GGT7: variants seen among roughly 807,000 people sequenced by gnomAD.
The protein encoded by GGT7 is gamma-glutamyltransferase 7, also known as glutathione hydrolase 7.
In GGT7, 30 loss-of-function variants were observed where a neutral mutation model predicts 69.2. The ratio of observed to expected loss-of-function variants is 0.43; its 90% confidence interval spans 0.32 to 0.59. GGT7 has a LOEUF of 0.59. Ranked by LOEUF, GGT7 falls within the 20% of genes least tolerant of loss-of-function variation. The pLI is 0.05. For missense variants in GGT7, 733 were observed against 901.1 expected, an observed-to-expected ratio of 0.81 and a Z score of 2.39; for synonymous variants, 388 against 391.8, an observed-to-expected ratio of 0.99 and a Z score of 0.12.
intron 1 of GGT7, among the ~76,000 whole-genome samples, chr20:34,865,980 TA>T (rs2079683861): frequency 6.6e-6 from 1 of 152,238 alleles, no homozygotes; most frequent in African/African-American, 2.4e-5. Context: ...ATAACCCCTT[TA>T]AAAGTCTATG....
intron 1 of GGT7, 45 bp downstream of exon 1, chr20:34,872,601 CG>C (rs756586538): frequency 6.7e-5 from 89 of 1,325,196 alleles, no homozygotes; most frequent in Non-Finnish European, 8.3e-5. Context: ...GAAGGAAGAC[CG>C]GGGACTTCCC....
In GGT7 at chr20:34,863,817, A is replaced by AC; in HGVS notation, c.170-270dup. ...TGATACCTAGGCCAAATTTCCTGGCACCCAGGGCCCAGGGCTGAGAACACT... is the reference window on the plus strand; with the variant it reads ...TGATACCTAGGCCAAATTTCCTGGCACCCCAGGGCCCAGGGCTGAGAACACT... On this transcript the variant is annotated intron_variant, in intron 1 of 14. Coordinates refer to ENST00000336431, the MANE Select transcript of GGT7 (RefSeq NM_178026.3). The surrounding 1 kb of genome is among the most constrained non-coding windows in gnomAD (Gnocchi z 4.4). 1.5e-6 allele frequency: 1 copy of AC among 670,912 alleles called. No individual in the cohort carries two copies. The highest frequency in any genetic ancestry group is 2.9e-5 in the East Asian group (1 of 33,990). The allele number at this position is 670,912 out of a possible 1,614,324, so 41.6% of individuals were successfully genotyped here.
chr20:34,848,934 G>A (rs2079342556), intron 14 of GGT7, among the ~76,000 whole-genome samples: 1 of 152,132 alleles, frequency 6.6e-6, no homozygotes. Flanking sequence ...ATAAAATTCA[G>A]CTGTGCCAAA....
At position 34,863,221 on chromosome 20, in the gene GGT7, C is replaced by A; in HGVS notation, c.405+92G>T. ...GTCACCACCCTCTCTCCCCTTCTAC[C>A]ACTCAGCCATTCCCCAGTTTCCACA... On this transcript the variant is annotated intron_variant, in intron 2 of 14. Transcript: ENST00000336431. This position sits in a 1 kb window ranked among gnomAD's most constrained non-coding sequence, Gnocchi z 4.4. 1.0e-6 allele frequency: 1 copy of A among 1,002,582 alleles called. No homozygotes were observed. The highest frequency in any genetic ancestry group is 1.5e-6 in the Non-Finnish European group (1 of 666,060). 62.1% of individuals were successfully genotyped at this position (1,002,582 alleles called of 1,614,324 possible).
chr20:34,856,137 G>T (rs1301239549), intron 8 of GGT7, among the ~76,000 whole-genome samples: 1 of 152,170 alleles, frequency 6.6e-6, no homozygotes, highest in African/African-American at 2.4e-5. Flanking sequence ...CTCTGGCAGA[G>T]GAATCAGGTT....
At chr20:34,852,316 C>G in intron 11 of GGT7, 44 bp from the exon 12 acceptor site, 1 of 1,604,030 alleles carries the variant, frequency 6.2e-7, no homozygotes. Context: ...CCCATCCTCA[C>G]CTCTACCCAG....
At chr20:34,862,719 G>A in intron 3 of GGT7, 95 bp downstream of exon 3, 6 of 1,241,204 alleles carry the variant, frequency 4.8e-6, no homozygotes, top group Non-Finnish European at 7.1e-6. Context: ...GGGCCCAAAA[G>A]CCCCTCTCCC....
chr20:34,853,340 GGTGTGTGTGTGTGTGTGT>G (rs10527077), intron 10 of GGT7, among the ~76,000 whole-genome samples: 36 of 147,314 alleles, frequency 2.4e-4, no homozygotes, highest in Admixed American at 7.5e-4. Context: ...ATTTCATATA[GGTGTGTGTGTGTGTGTGT>G]GTGTGTGTGT....
intron 3 of GGT7, among the ~76,000 whole-genome samples, chr20:34,861,855 C>A (rs1266651521): frequency 6.6e-6 from 1 of 152,110 alleles, no homozygotes; most frequent in African/African-American, 2.4e-5. Context: ...GGATGTTCTG[C>A]CCCATGCCCC....
chr20:34,851,487 T>G, intron 12 of GGT7, 119 bp from the exon 13 acceptor site: 1 of 1,028,304 alleles, frequency 9.7e-7, no homozygotes, highest in Non-Finnish European at 1.4e-6. Flanking sequence ...GGCCCAGTTT[T>G]CCTGGGAGAC....
chr20:34,860,430 GAC>G (rs2146914787), intron 4 of GGT7, 109 bp from the exon 5 acceptor site: 1 of 825,622 alleles, frequency 1.2e-6, no homozygotes, highest in Non-Finnish European at 2.1e-6. Context: ...ACAGGGGAGA[GAC>G]ACAGGCCAAG....
chr20:34,845,661 T>C (rs1323160506), intron 14 of GGT7, among the ~76,000 whole-genome samples, 170 bp from the exon 15 acceptor site: 2 of 152,124 alleles, frequency 1.3e-5, no homozygotes, highest in Non-Finnish European at 2.9e-5. Flanking sequence ...TAAATAGGGA[T>C]TATATGAGAA....
At position 34,863,502 on chromosome 20, in the gene GGT7, C is replaced by T. The variant is rs879057428; in HGVS notation, c.216G>A (p.Ser72=). ...LKSARLQRLP[S]SSSEMGSQDG... ...CTTGGCTGCCCATCTCCGACGACGACGATGGCAGCCGCTGCAGCCGTGCAG... is the reference window on the plus strand; with the variant it reads ...CTTGGCTGCCCATCTCCGACGACGATGATGGCAGCCGCTGCAGCCGTGCAG... Residue 72 remains serine, a synonymous_variant, in exon 2 of 15, where the codon TCG becomes TCA. Coordinates refer to ENST00000336431, the MANE Select transcript of GGT7 (RefSeq NM_178026.3). The surrounding 1 kb of genome is among the most constrained non-coding windows in gnomAD (Gnocchi z 4.4). The T allele has an allele frequency of 1.3e-6, 2 of 1,599,300 alleles. No homozygotes were observed. The highest frequency in any genetic ancestry group is 1.7e-6 in the Non-Finnish European group (2 of 1,173,310).
At chr20:34,851,194 C>G in intron 13 of GGT7, 37 bp downstream of exon 13, 5 of 1,608,814 alleles carry the variant, frequency 3.1e-6, no homozygotes, top group Non-Finnish European at 3.4e-6. Flanking sequence ...CAGCTTGGCT[C>G]CCGGCTGAAA....
At chr20:34,855,420 CTAACAT>C (rs1414018805) in intron 8 of GGT7, among the ~76,000 whole-genome samples, 1 of 152,208 alleles carries the variant, frequency 6.6e-6, no homozygotes. Flanking sequence ...ATGCATAACA[CTAACAT>C]TAACTCATTT....
At chr20:34,864,790 C>T (rs1601243931) in intron 1 of GGT7, among the ~76,000 whole-genome samples, 1 of 151,644 alleles carries the variant, frequency 6.6e-6, no homozygotes, top group African/African-American at 2.4e-5. Flanking sequence ...GGGTTTTACC[C>T]TAAGGACTAT....
At chr20:34,869,179 A>ATATAT (rs1568945222) in intron 1 of GGT7, among the ~76,000 whole-genome samples, 1 of 149,340 alleles carries the variant, frequency 6.7e-6, no homozygotes, top group African/African-American at 2.5e-5. Context: ...TATATATATA[A>ATATAT]AATTTTGAAA....
At chr20:34,850,636 A>G in intron 13 of GGT7, 1 of 348,580 alleles carries the variant, frequency 2.9e-6, no homozygotes, top group South Asian at 2.2e-5. Context: ...AATGTTAGCT[A>G]TTGTTATTAT....
intron 13 of GGT7, chr20:34,850,277 C>T: frequency 1.3e-6 from 1 of 740,810 alleles, no homozygotes; most frequent in East Asian, 2.5e-5. Context: ...AAATGACTTA[C>T]TCCAGAGTTT....
Sources: allele counts gnomAD v4.1 joint callset (sites outside exome capture counted in the v4.1 genomes callset), GRCh38; gene constraint gnomAD v4.1.1; non-coding constraint Gnocchi (gnomAD v3.1); transcripts MANE v1.5; gene names NCBI Gene and HGNC (gene_info 2026-07-23, HGNC 2026-07-21).